The following GPC6 variants were observed in gnomAD, a reference collection of about 807,000 sequenced individuals.
GPC6 encodes glypican 6.
Under a neutral mutation model 55.2 loss-of-function variants are expected in GPC6, and 14 were observed. That is an observed-to-expected ratio of 0.25 (90% CI 0.17 to 0.40). GPC6 has a LOEUF of 0.40. Ranked by LOEUF, GPC6 falls within the 10% of genes least tolerant of loss-of-function variation. The probability of loss-of-function intolerance (pLI) is 1.00; values close to 1 mark genes in which losing one functional copy is unlikely to be tolerated. For synonymous variants in GPC6, 278 were observed against 259.6 expected (o/e 1.07, Z -0.68); for missense variants, 641 against 708.5 (o/e 0.90, Z 1.08).
intron 3 of GPC6, among the ~76,000 whole-genome samples, chr13:93,848,433 C>T (rs371456336): frequency 1.1e-3 from 160 of 152,120 alleles, no homozygotes; most frequent in Admixed American, 1.8e-3. Flanking sequence ...TCTCAATCAC[C>T]CCAAGAATAG....
chr13:93,275,872 TTTTTG>T (rs1226226614), intron 1 of GPC6, among the ~76,000 whole-genome samples: 2 of 152,192 alleles, frequency 1.3e-5, no homozygotes, highest in Admixed American at 6.5e-5. Flanking sequence ...CAGGATAATT[TTTTTG>T]TTTTGTTTTG....
At chr13:94,092,257 C>T in intron 4 of GPC6, among the ~76,000 whole-genome samples, 1 of 152,106 alleles carries the variant, frequency 6.6e-6, no homozygotes, top group Admixed American at 6.6e-5. Context: ...TCTAGCATAA[C>T]TGAAACTTTG....
chr13:93,944,797 G>A lies in GPC6; in HGVS notation c.712-82932G>A, dbSNP rs548697813. Among the ~76,000 whole-genome samples the A allele has an allele frequency of 8.5e-5, 13 of 152,298 alleles. No individual in the cohort carries two copies. The East Asian group carries it at 2.5e-3, about 29-fold the overall frequency. On this transcript the variant is annotated intron_variant, in intron 3 of 8. Transcript: ENST00000377047. Reference sequence around the variant, plus strand: ...ACATGTTAAGCAGGGCTGAATAGTAGGTGTATCGGAATTGGGAGTATTCCT... The same window carrying A: ...ACATGTTAAGCAGGGCTGAATAGTAAGTGTATCGGAATTGGGAGTATTCCT...
chr13:94,328,575 A>T (rs900199730), intron 6 of GPC6, among the ~76,000 whole-genome samples: 1 of 152,240 alleles, frequency 6.6e-6, no homozygotes, highest in Non-Finnish European at 1.5e-5. Flanking sequence ...TGTGTTTGTC[A>T]GGAGCAGACG....
At chr13:93,339,293 A>C (rs1316570835) in intron 1 of GPC6, among the ~76,000 whole-genome samples, 1 of 151,056 alleles carries the variant, frequency 6.6e-6, no homozygotes, top group Non-Finnish European at 1.5e-5. Context: ...ACAATTTCTT[A>C]TATTCCATAT....
intron 2 of GPC6, among the ~76,000 whole-genome samples, chr13:93,589,968 G>T (rs1594292016): frequency 6.6e-6 from 1 of 152,194 alleles, no homozygotes; most frequent in Non-Finnish European, 1.5e-5. Context: ...GAATCTTGCT[G>T]TTACTAATGC....
At chr13:94,255,361 G>A (rs1368828411) in intron 4 of GPC6, among the ~76,000 whole-genome samples, 1 of 152,108 alleles carries the variant, frequency 6.6e-6, no homozygotes, top group African/African-American at 2.4e-5. Context: ...AGACCCTTCA[G>A]CTTATAATGC....
intron 3 of GPC6, among the ~76,000 whole-genome samples, chr13:93,945,548 G>C (rs1878965563): frequency 6.6e-6 from 1 of 152,166 alleles, no homozygotes; most frequent in Non-Finnish European, 1.5e-5. Context: ...AGTGTATTTT[G>C]GCTTTCCCTG....
chr13:93,468,742 T>C (rs9561354), intron 1 of GPC6, among the ~76,000 whole-genome samples: 18,209 of 152,156 alleles, frequency 0.12, 1,377 homozygotes, highest in East Asian at 0.29. Context: ...TAAGGTAAAC[T>C]AACTGGGGCA....
rs1253153460 is a variant in GPC6, at chr13:93,316,960, A to G, written c.160+89344A>G. On this transcript the variant is annotated intron_variant, in intron 1 of 8. Transcript: ENST00000377047. Reference sequence around the variant, plus strand: ...GTCATTATCTGATCTGCATTTGAGGAGCAAGCTATGTTAGCACTGTGAGCC... The same window carrying G: ...GTCATTATCTGATCTGCATTTGAGGGGCAAGCTATGTTAGCACTGTGAGCC... Among the ~76,000 whole-genome samples the G allele has an allele frequency of 2.0e-5, 3 of 152,110 alleles. No individual in the cohort carries two copies. The East Asian group carries it at 5.8e-4, about 29-fold the overall frequency.
intron 3 of GPC6, among the ~76,000 whole-genome samples, chr13:93,909,915 A>G (rs1228375395): frequency 6.6e-6 from 1 of 151,928 alleles, no homozygotes; most frequent in Admixed American, 6.6e-5. Context: ...CATCCAATCA[A>G]CAACGTAGAT....
At chr13:93,646,858 GA>G (rs11344204) in intron 2 of GPC6, among the ~76,000 whole-genome samples, 71,193 of 142,544 alleles carry the variant, frequency 0.5, 18,934 homozygotes, top group Middle Eastern at 0.68. Flanking sequence ...ATCATGACAT[GA>G]AAAAAAAAAA....
chr13:93,555,118 A>G (rs1350169994), intron 2 of GPC6, among the ~76,000 whole-genome samples: 1 of 152,064 alleles, frequency 6.6e-6, no homozygotes, highest in Non-Finnish European at 1.5e-5. Context: ...TATTTTTTAA[A>G]ATTTATTTGC....
intron 1 of GPC6, among the ~76,000 whole-genome samples, chr13:93,320,632 A>T (rs1566297508): frequency 6.6e-6 from 1 of 151,434 alleles, no homozygotes; most frequent in African/African-American, 2.4e-5. Flanking sequence ...TAGTGTATAT[A>T]TTATATATAT....
At chr13:94,191,882 C>T (rs1889406937) in intron 4 of GPC6, among the ~76,000 whole-genome samples, 2 of 152,236 alleles carry the variant, frequency 1.3e-5, no homozygotes, top group East Asian at 3.9e-4. Flanking sequence ...AAATGATGCT[C>T]ATATGAACTA....
intron 4 of GPC6, among the ~76,000 whole-genome samples, chr13:94,251,476 A>AT (rs1891347253): frequency 6.6e-6 from 1 of 151,176 alleles, no homozygotes; most frequent in Non-Finnish European, 1.5e-5. Context: ...AAAAAAAAAA[A>AT]CACGGACTGG....
intron 4 of GPC6, among the ~76,000 whole-genome samples, chr13:94,061,789 T>TG (rs1253267894): frequency 6.9e-6 from 1 of 145,974 alleles, no homozygotes; most frequent in Non-Finnish European, 1.5e-5. Context: ...GAGTCAGCCC[T>TG]GGGGGAAAAA....
At chr13:94,148,681 A>G (rs1361410631) in intron 4 of GPC6, among the ~76,000 whole-genome samples, 1 of 152,212 alleles carries the variant, frequency 6.6e-6, no homozygotes, top group East Asian at 1.9e-4. Flanking sequence ...AAATGTTATT[A>G]TTATTATTAT....
intron 4 of GPC6, among the ~76,000 whole-genome samples, chr13:94,147,632 G>A (rs1887608548): frequency 6.6e-6 from 1 of 152,140 alleles, no homozygotes; most frequent in East Asian, 1.9e-4. Context: ...ACACTGAACT[G>A]ACACTGGACC....
Sources: gnomAD v4.1 joint callset for allele counts (sites outside exome capture counted in the v4.1 genomes callset) on GRCh38, gnomAD v4.1.1 for gene constraint, MANE v1.5 for transcripts, NCBI Gene and HGNC (gene_info 2026-07-23, HGNC 2026-07-21) for gene names.